The following EPM2A variants were observed in gnomAD, a reference collection of about 807,000 sequenced individuals.
EPM2A encodes EPM2A glucan phosphatase, laforin, also known as laforin.
A neutral mutation model predicts 26.5 loss-of-function variants in EPM2A; 21 were observed. The ratio of observed to expected loss-of-function variants is 0.79; its 90% CI spans 0.56 to 1.14. The LOEUF is 1.14. EPM2A is among the 50% of genes most tolerant of loss of function. EPM2A has a pLI of 0.00. For missense variants in EPM2A, 458 were observed against 440.8 expected (o/e 1.04, Z -0.35); for synonymous variants, 217 against 177.6 (o/e 1.22, Z -1.76).
intron 2 of EPM2A, among the ~76,000 whole-genome samples, chr6:145,538,282 G>A (rs1291054283): frequency 6.6e-6 from 1 of 151,682 alleles, no homozygotes; most frequent in Admixed American, 6.6e-5. Flanking sequence ...CATGCTTTGA[G>A]TTCATGCACT....
intron 2 of EPM2A, among the ~76,000 whole-genome samples, chr6:145,606,124 T>C (rs1164252537): frequency 2.6e-5 from 4 of 152,022 alleles, no homozygotes; most frequent in Admixed American, 6.6e-5. Context: ...GAAAACGAAA[T>C]TTATAAACAA....
At chr6:145,676,338 T>G (rs1780036648) in intron 2 of EPM2A, among the ~76,000 whole-genome samples, 2 of 152,074 alleles carry the variant, frequency 1.3e-5, no homozygotes, top group Admixed American at 1.3e-4. Context: ...GATATAAAAT[T>G]GACACCCTAA....
intron 1 of EPM2A, among the ~76,000 whole-genome samples, chr6:145,700,238 T>C (rs1781835455): frequency 6.6e-6 from 1 of 152,170 alleles, no homozygotes; most frequent in Non-Finnish European, 1.5e-5. Flanking sequence ...TGCAGAGATG[T>C]TTATTTTTGT....
At chr6:145,489,814 T>C in intron 4 of EPM2A, 2 of 1,435,138 alleles carry the variant, frequency 1.4e-6, no homozygotes, top group Admixed American at 1.7e-5. Flanking sequence ...GTGGTCCAAG[T>C]CTGCTTCTAG....
chr6:145,699,405 C>T (rs1312169108), intron 1 of EPM2A, among the ~76,000 whole-genome samples: 1 of 152,026 alleles, frequency 6.6e-6, no homozygotes, highest in Non-Finnish European at 1.5e-5. Context: ...AACTGGCTCA[C>T]TGGGAGAGAA....
At chr6:145,660,244 C>T (rs1401781246) in intron 2 of EPM2A, among the ~76,000 whole-genome samples, 5 of 151,900 alleles carry the variant, frequency 3.3e-5, no homozygotes, top group Non-Finnish European at 7.4e-5. Flanking sequence ...AAAAGAGATC[C>T]CCATAGCTCT....
chr6:145,536,380 C>T (rs755960235), intron 2 of EPM2A, among the ~76,000 whole-genome samples: 1 of 152,086 alleles, frequency 6.6e-6, no homozygotes, highest in Non-Finnish European at 1.5e-5. Flanking sequence ...ACTGCAACCT[C>T]CAGCTCCCAG....
chr6:145,509,222 T>C (rs978335929), intron 2 of EPM2A, among the ~76,000 whole-genome samples: 7 of 152,068 alleles, frequency 4.6e-5, no homozygotes, highest in African/African-American at 7.2e-5. Context: ...AATATGCAGA[T>C]ACAAGAAATC....
chr6:145,610,506 TC>T (rs912427812), intron 2 of EPM2A, among the ~76,000 whole-genome samples: 2 of 152,246 alleles, frequency 1.3e-5, no homozygotes, highest in African/African-American at 2.4e-5. Context: ...ATGCTAGTCA[TC>T]CTAAGCTACT....
rs951685265 is a variant in EPM2A at position 145,617,832 on chromosome 6, C to T, written c.340+17413G>A. Among the ~76,000 whole-genome samples the T allele has an allele frequency of 3.4e-4, 51 of 152,132 alleles. 1 individual carries two copies. Among genetic ancestry groups the T allele is most frequent in the Non-Finnish European group, 7.4e-5 (5 of 68,022 alleles). On this transcript the variant is annotated intron_variant, in intron 2 of 3. Coordinates refer to the EPM2A transcript ENST00000450221. ...TGGCAAACACCGGTAGTCCCAGATA[C>T]TCAAGAAGCTGAGGTGGGAGGCTCA...
At chr6:145,457,842 CAA>C (rs1779281220) in intron 4 of EPM2A, among the ~76,000 whole-genome samples, 2 of 152,100 alleles carry the variant, frequency 1.3e-5, no homozygotes, top group South Asian at 4.1e-4. Context: ...TAATATGTGT[CAA>C]GATACAGTTG....
intron 4 of EPM2A, among the ~76,000 whole-genome samples, chr6:145,404,317 C>T (rs1778537137): frequency 6.6e-6 from 1 of 152,042 alleles, no homozygotes. Context: ...CATGGATTGT[C>T]TGTTCATACC....
chr6:145,683,307 G>GTGTGTGTGTGT (rs765064261), intron 2 of EPM2A, among the ~76,000 whole-genome samples: 1 of 135,324 alleles, frequency 7.4e-6, no homozygotes, highest in Non-Finnish European at 1.7e-5. Flanking sequence ...GTGTGTGTGT[G>GTGTGTGTGTGT]AGTGTGTATA....
intron 4 of EPM2A, among the ~76,000 whole-genome samples, chr6:145,416,880 A>G (rs78309621): frequency 6.7e-6 from 1 of 150,118 alleles, no homozygotes; most frequent in Non-Finnish European, 1.5e-5. Flanking sequence ...TTTTTTTTTT[A>G]CTGTCATTAT....
intron 2 of EPM2A, among the ~76,000 whole-genome samples, chr6:145,554,583 G>T (rs1780701308): frequency 6.6e-6 from 1 of 152,044 alleles, no homozygotes; most frequent in Non-Finnish European, 1.5e-5. Context: ...AATTTATTTA[G>T]CTCATGGTTC....
rs2143065 is a variant in EPM2A, at chr6:145,579,816, T to G, written c.340+55429A>C. On this transcript the variant is annotated intron_variant, in intron 2 of 3. Transcript: ENST00000450221. ...TGGATTAATTTAATTTTATTTGCATTCTGTCTTCTCTTTGTTGGCTTTTCA... is the reference window on the plus strand; with the variant it reads ...TGGATTAATTTAATTTTATTTGCATGCTGTCTTCTCTTTGTTGGCTTTTCA... Among the ~76,000 whole-genome samples the G allele has an allele frequency of 4.6e-3, 703 of 152,244 alleles. 25 individuals are homozygous for G. In the East Asian group the frequency reaches 0.084, roughly 18 times the overall value.
At chr6:145,491,647 GCT>G (rs986691172) in intron 4 of EPM2A, 7 of 379,474 alleles carry the variant, frequency 1.8e-5, no homozygotes, top group African/African-American at 1.5e-4. Flanking sequence ...AGGAAGGCAT[GCT>G]CTCACTTTGG....
chr6:145,528,152 G>A (rs371338414), intron 2 of EPM2A, among the ~76,000 whole-genome samples: 105 of 152,230 alleles, frequency 6.9e-4, no homozygotes, highest in African/African-American at 2.5e-3. Context: ...CATGTGGTTT[G>A]AGGAAAGAAA....
chr6:145,582,242 T>C (rs556870840), intron 2 of EPM2A, among the ~76,000 whole-genome samples: 1 of 152,352 alleles, frequency 6.6e-6, no homozygotes, highest in South Asian at 2.1e-4. Context: ...TGTTATTGTA[T>C]GATTTTTTAG....
Sources: gnomAD v4.1 joint callset for allele counts (sites outside exome capture counted in the v4.1 genomes callset) on GRCh38, gnomAD v4.1.1 for gene constraint, MANE v1.5 for transcripts, NCBI Gene and HGNC (gene_info 2026-07-23, HGNC 2026-07-21) for gene names.